The following KHDRBS2 variants were observed in gnomAD, a reference collection of about 807,000 sequenced individuals.
KHDRBS2 encodes the protein KH domain-containing, RNA-binding, signal transduction-associated protein 2.
KHDRBS2 carries 26 observed loss-of-function variants against 44.3 expected under a neutral mutation model. The observed-to-expected ratio is 0.59, with a 90% CI of 0.43 to 0.81. KHDRBS2 has a LOEUF of 0.81. KHDRBS2 is among the 40% of genes least tolerant of loss of function. KHDRBS2 has a pLI of 0.00. For missense variants in KHDRBS2, 476 were observed against 433.1 expected (o/e 1.10, Z -0.88); for synonymous variants, 194 against 151.1 (o/e 1.28, Z -2.08).
At chr6:61,604,058 C>A in the KHDRBS2 span, among the ~76,000 whole-genome samples, 1 of 152,220 alleles carries the variant, frequency 6.6e-6, no homozygotes, top group Non-Finnish European at 1.5e-5. Context: ...AGCCAAACTC[C>A]TTTCCTTAAC....
At chr6:62,092,103 T>G (rs1799593567) in intron 2 of KHDRBS2, among the ~76,000 whole-genome samples, 1 of 152,204 alleles carries the variant, frequency 6.6e-6, no homozygotes, top group Middle Eastern at 3.4e-3. Flanking sequence ...CCTAAAGTTT[T>G]GCTTGATGTC....
the KHDRBS2 span, among the ~76,000 whole-genome samples, chr6:61,608,745 A>G: frequency 6.6e-6 from 1 of 152,140 alleles, no homozygotes; most frequent in South Asian, 2.1e-4. Flanking sequence ...AGTTTCATCC[A>G]TGTCCCTGAA....
chr6:62,259,620 T>C (rs1283318344), intron 1 of KHDRBS2, among the ~76,000 whole-genome samples: 1 of 151,978 alleles, frequency 6.6e-6, no homozygotes, highest in South Asian at 2.1e-4. Context: ...AAAAATCATA[T>C]GACAGAAAAC....
At chr6:62,181,711 C>G (rs1822346161) in intron 1 of KHDRBS2, among the ~76,000 whole-genome samples, 1 of 151,880 alleles carries the variant, frequency 6.6e-6, no homozygotes, top group Non-Finnish European at 1.5e-5. Context: ...TTCATATGTT[C>G]AAATCCTGAC....
intron 2 of KHDRBS2, among the ~76,000 whole-genome samples, chr6:62,140,225 ATGTT>A (rs1190990896): frequency 1.3e-5 from 2 of 152,160 alleles, no homozygotes; most frequent in African/African-American, 4.8e-5. Flanking sequence ...CATTAATACA[ATGTT>A]TGGTTCATTG....
At chr6:62,191,539 T>C (rs982403690) in intron 1 of KHDRBS2, among the ~76,000 whole-genome samples, 13 of 152,120 alleles carry the variant, frequency 8.5e-5, no homozygotes, top group African/African-American at 3.1e-4. Flanking sequence ...TATGACTTCC[T>C]TGAAGCCAAG....
intron 8 of KHDRBS2, 114 bp downstream of exon 8, chr6:61,697,081 A>C: frequency 1.3e-6 from 1 of 754,970 alleles, no homozygotes; most frequent in Non-Finnish European, 2.4e-6. Context: ...TACATGAATC[A>C]ATTTAGTCTA....
At chr6:62,153,749 A>G (rs1815740465) in intron 2 of KHDRBS2, among the ~76,000 whole-genome samples, 1 of 152,172 alleles carries the variant, frequency 6.6e-6, no homozygotes, top group South Asian at 2.1e-4. Context: ...CTGCCTTTAA[A>G]AAAATTCCTG....
At chr6:61,599,998 T>G in the KHDRBS2 span, among the ~76,000 whole-genome samples, 1 of 152,208 alleles carries the variant, frequency 6.6e-6, no homozygotes, top group Non-Finnish European at 1.5e-5. Context: ...TCAGACAGTA[T>G]GAAGATTCAT....
intron 2 of KHDRBS2, among the ~76,000 whole-genome samples, chr6:62,059,136 C>A (rs1465356300): frequency 7.9e-6 from 1 of 126,986 alleles, no homozygotes; most frequent in Non-Finnish European, 1.6e-5. Flanking sequence ...AGAAGCAGTA[C>A]AGATTAAGTG....
At chr6:62,200,860 A>T (rs1230748892) in intron 1 of KHDRBS2, among the ~76,000 whole-genome samples, 1 of 152,206 alleles carries the variant, frequency 6.6e-6, no homozygotes, top group Non-Finnish European at 1.5e-5. Context: ...GATAGACTGG[A>T]TTAAGAAAAT....
At chr6:61,847,910 T>A (rs1241706132) in intron 6 of KHDRBS2, among the ~76,000 whole-genome samples, 1 of 69,386 alleles carries the variant, frequency 1.4e-5, no homozygotes, top group Non-Finnish European at 3.0e-5. Context: ...TTAAAATGAT[T>A]TTTTCTGCTT....
At chr6:62,009,804 T>C (rs1029921156) in intron 3 of KHDRBS2, among the ~76,000 whole-genome samples, 3 of 152,174 alleles carry the variant, frequency 2.0e-5, no homozygotes, top group African/African-American at 7.2e-5. Context: ...AGTCAAGGAA[T>C]GAGATTTGGA....
chr6:61,710,511 T>C (rs1673547749), intron 7 of KHDRBS2, among the ~76,000 whole-genome samples: 1 of 151,632 alleles, frequency 6.6e-6, no homozygotes, highest in South Asian at 2.1e-4. Context: ...TCCCTGTCAC[T>C]TCTCTCTTAA....
At chr6:61,596,651 T>A in the KHDRBS2 span, among the ~76,000 whole-genome samples, 2 of 152,060 alleles carry the variant, frequency 1.3e-5, no homozygotes, top group African/African-American at 2.4e-5. Context: ...TAATTTAATT[T>A]AATTAATTTA....
rs1364597193 is a variant in KHDRBS2, at chr6:62,188,667, AG to A, written c.92-11356del. 4.6e-5 allele frequency among the ~76,000 whole-genome samples: 7 copies of A among 152,176 alleles called. No individual in the cohort carries two copies. In the East Asian group the frequency reaches 1.2e-3, roughly 25 times the overall value. On this transcript the variant is annotated intron_variant, in intron 1 of 8. Coordinates refer to ENST00000281156, the MANE Select transcript of KHDRBS2 (RefSeq NM_152688.4). ...AATGAAACAACGTGCAAGACATCTC[AG>A]GCTGGAAAGAATTTGGCACATTTAA...
the KHDRBS2 span, among the ~76,000 whole-genome samples, chr6:61,552,267 T>C: frequency 6.6e-6 from 1 of 151,922 alleles, no homozygotes; most frequent in South Asian, 2.1e-4. Context: ...TTATTCTTTT[T>C]ATGGTTATTG....
At chr6:61,545,936 C>T in the KHDRBS2 span, among the ~76,000 whole-genome samples, 6 of 152,204 alleles carry the variant, frequency 3.9e-5, no homozygotes, top group East Asian at 1.9e-4. Flanking sequence ...AAAGACGCAT[C>T]GCTATTCCCT....
chr6:61,723,573 AC>A lies in KHDRBS2; in HGVS notation c.893+9108del, dbSNP rs200639866. Among the ~76,000 whole-genome samples, 207 of 151,660 alleles carry A rather than the reference AC, an allele frequency of 1.4e-3. 1 individual carries two copies. In the East Asian group the frequency reaches 0.015, roughly 11 times the overall value. On this transcript the variant is annotated intron_variant, in intron 7 of 8. Coordinates refer to ENST00000281156, the MANE Select transcript of KHDRBS2 (RefSeq NM_152688.4). The stretch of plus-strand genomic sequence containing the variant: ...CAAAAACAAACAAACAAACAAACAA[AC>A]AAAAAAACAACAATACAGAAGCTGA...
Sources: allele counts gnomAD v4.1 joint callset (sites outside exome capture counted in the v4.1 genomes callset), GRCh38; gene constraint gnomAD v4.1.1; transcripts MANE v1.5; gene names NCBI Gene and HGNC (gene_info 2026-07-23, HGNC 2026-07-21).